Variants in CERT1 observed in about 807,000 individuals in gnomAD.
CERT1 encodes ceramide transfer protein.
A neutral mutation model predicts 87.9 loss-of-function variants in CERT1; 31 were observed. The observed-to-expected ratio is 0.35, with a 90% CI of 0.27 to 0.48. CERT1 has a LOEUF of 0.48. Among genes scored for constraint, CERT1 ranks in the 20% least tolerant of loss-of-function variants. CERT1 has a pLI of 0.99. For missense variants in CERT1, 487 were observed against 758.0 expected (o/e 0.64, Z 4.20); for synonymous variants, 289 against 250.9 (o/e 1.15, Z -1.44).
At chr5:75,483,951 G>A (rs1229376505) in intron 2 of CERT1, among the ~76,000 whole-genome samples, 2 of 151,888 alleles carry the variant, frequency 1.3e-5, no homozygotes, top group East Asian at 3.8e-4. Flanking sequence ...CCTTAATTGT[G>A]GTGTGTAAAC....
intron 10 of CERT1, 87 bp from the exon 11 acceptor site, chr5:75,399,474 A>C: frequency 1.1e-6 from 1 of 948,126 alleles, no homozygotes; most frequent in Admixed American, 1.9e-5. Context: ...CACAAGATAA[A>C]GGGAAGAGAA....
At chr5:75,509,733 A>T (rs1235484873) in intron 1 of CERT1, among the ~76,000 whole-genome samples, 1 of 152,178 alleles carries the variant, frequency 6.6e-6, no homozygotes, top group Non-Finnish European at 1.5e-5. Context: ...CCATCTTATG[A>T]GCAGTGATGA....
intron 6 of CERT1, among the ~76,000 whole-genome samples, chr5:75,417,619 G>A (rs1273975850): frequency 6.6e-6 from 1 of 152,108 alleles, no homozygotes; most frequent in Non-Finnish European, 1.5e-5. Context: ...AATCATTCTA[G>A]TAGAATAATT....
At chr5:75,499,996 C>T (rs571682529) in intron 2 of CERT1, among the ~76,000 whole-genome samples, 1 of 152,242 alleles carries the variant, frequency 6.6e-6, no homozygotes, top group East Asian at 1.9e-4. Flanking sequence ...GTAGGTTGGA[C>T]CCCTAATCCA....
intron 3 of CERT1, among the ~76,000 whole-genome samples, chr5:75,428,673 G>C (rs1182716167): frequency 7.0e-6 from 1 of 141,998 alleles, no homozygotes; most frequent in Admixed American, 7.0e-5. Flanking sequence ...GCGAGACTCT[G>C]TCTCAAAAAA....
At chr5:75,435,379 G>A (rs1764049462) in intron 3 of CERT1, among the ~76,000 whole-genome samples, 2 of 152,172 alleles carry the variant, frequency 1.3e-5, no homozygotes, top group Admixed American at 1.3e-4. Flanking sequence ...TCTCTTGTTT[G>A]TCAAGGAGCT....
chr5:75,408,289 G>A (rs914236839), intron 8 of CERT1, among the ~76,000 whole-genome samples: 1 of 152,160 alleles, frequency 6.6e-6, no homozygotes, highest in Non-Finnish European at 1.5e-5. Flanking sequence ...ATTAAAAGAA[G>A]TTAGTAACTT....
intron 11 of CERT1, among the ~76,000 whole-genome samples, chr5:75,390,820 G>T (rs150735402): frequency 6.6e-6 from 1 of 152,044 alleles, no homozygotes; most frequent in East Asian, 1.9e-4. Flanking sequence ...CCCCCTACCC[G>T]CCAGAGACAG....
At chr5:75,503,402 C>T (rs1474902245) in intron 2 of CERT1, among the ~76,000 whole-genome samples, 2 of 151,876 alleles carry the variant, frequency 1.3e-5, no homozygotes, top group African/African-American at 2.4e-5. Context: ...CAAGAGATGC[C>T]TATTAAAATT....
At chr5:75,435,967 G>A (rs547112726) in intron 3 of CERT1, among the ~76,000 whole-genome samples, 1 of 152,262 alleles carries the variant, frequency 6.6e-6, no homozygotes, top group African/African-American at 2.4e-5. Context: ...TCATATATTT[G>A]TGTACCTATA....
intron 10 of CERT1, 134 bp from the exon 11 acceptor site, chr5:75,399,521 G>T (rs1762383415): frequency 3.0e-6 from 2 of 677,344 alleles, no homozygotes; most frequent in Admixed American, 4.7e-5. Flanking sequence ...AGCAGCAACT[G>T]CTGACTTCAT....
At chr5:75,402,260 T>G (rs1443720104) in intron 9 of CERT1, 2 of 152,178 alleles carry the variant, frequency 1.3e-5, no homozygotes, top group Admixed American at 6.5e-5. Context: ...TGAAAAACCT[T>G]AAGTTTTTGG....
At chr5:75,453,744 T>G (rs1388938162) in intron 3 of CERT1, among the ~76,000 whole-genome samples, 2 of 152,216 alleles carry the variant, frequency 1.3e-5, no homozygotes, top group Non-Finnish European at 2.9e-5. Context: ...AAATGTTAGC[T>G]ATCTTCATCA....
chr5:75,437,768 TAAA>T (rs201506124), intron 3 of CERT1, among the ~76,000 whole-genome samples: 11 of 110,668 alleles, frequency 9.9e-5, no homozygotes, highest in East Asian at 2.4e-4. Flanking sequence ...TCTGTCTCAT[TAAA>T]AAAAAAAAAA....
chr5:75,459,698 C>T (rs982619483), intron 2 of CERT1, among the ~76,000 whole-genome samples: 2 of 152,152 alleles, frequency 1.3e-5, no homozygotes, highest in African/African-American at 4.8e-5. Context: ...GGCACGGTGG[C>T]TCATGCATGT....
At chr5:75,448,107 G>A (rs1032147277) in intron 3 of CERT1, among the ~76,000 whole-genome samples, 3 of 152,104 alleles carry the variant, frequency 2.0e-5, no homozygotes, top group African/African-American at 7.2e-5. Context: ...AAAAAATAAT[G>A]TTACTACTTA....
At chr5:75,425,288 T>C (rs1299646831) in intron 5 of CERT1, 73 bp downstream of exon 5, 2 of 1,434,744 alleles carry the variant, frequency 1.4e-6, no homozygotes, top group African/African-American at 1.4e-5. Flanking sequence ...CTTAAAGACA[T>C]TACCCTTTGA....
At chr5:75,456,385 G>A (rs1162613513) in intron 3 of CERT1, among the ~76,000 whole-genome samples, 3 of 151,880 alleles carry the variant, frequency 2.0e-5, no homozygotes, top group Non-Finnish European at 1.5e-5. Flanking sequence ...ATAAGAAAGG[G>A]TGGCTGGCTG....
chr5:75,419,106 A>G (rs1237325652), intron 6 of CERT1, among the ~76,000 whole-genome samples: 3 of 152,192 alleles, frequency 2.0e-5, no homozygotes, highest in Non-Finnish European at 2.9e-5. Context: ...AGGGAAAAAA[A>G]TTGTCTTTTC....
Sources: gnomAD v4.1 joint callset for allele counts (sites outside exome capture counted in the v4.1 genomes callset) on GRCh38, gnomAD v4.1.1 for gene constraint, MANE v1.5 for transcripts, NCBI Gene and HGNC (gene_info 2026-07-23, HGNC 2026-07-21) for gene names.